The following CSRP1 variants were observed in gnomAD, a reference collection of about 807,000 sequenced individuals.
CSRP1 encodes cysteine and glycine rich protein 1.
A neutral mutation model predicts 25.4 loss-of-function variants in CSRP1; 16 were observed. That is an observed-to-expected ratio of 0.63 (90% CI 0.43 to 0.96). The LOEUF (loss-of-function observed/expected upper bound fraction) is 0.96. Ranked by LOEUF, CSRP1 falls within the 40% of genes least tolerant of loss-of-function variation. The probability of loss-of-function intolerance (pLI) is 0.00; values close to 1 mark genes in which losing one functional copy is unlikely to be tolerated. For synonymous variants in CSRP1, 97 were observed against 95.3 expected, an observed-to-expected ratio of 1.02 and a Z score of -0.10; for missense variants, 212 against 243.6, an observed-to-expected ratio of 0.87 and a Z score of 0.86.
At chr1:201,493,208 C>G in intron 2 of CSRP1, among the ~76,000 whole-genome samples, 1 of 152,176 alleles carries the variant, frequency 6.6e-6, no homozygotes, top group East Asian at 1.9e-4. Context: ...CCCTCTCAGT[C>G]CCTGGTCCCA....
intron 3 of CSRP1, chr1:201,489,297 A>G (rs531949404): frequency 9.1e-6 from 2 of 219,880 alleles, no homozygotes; most frequent in African/African-American, 2.3e-5. Context: ...GTCTATTATC[A>G]GATTCTTTAC....
At chr1:201,504,998 G>A (rs1157531762) in intron 1 of CSRP1, among the ~76,000 whole-genome samples, 1 of 152,200 alleles carries the variant, frequency 6.6e-6, no homozygotes, top group Non-Finnish European at 1.5e-5. Context: ...TACTTGGAAG[G>A]CTGAGGCAGG....
chr1:201,483,675 A>G lies in CSRP1; in HGVS notation c.*1038T>C. On this transcript the variant is annotated 3_prime_UTR_variant, in exon 6 of 6. Transcript: ENST00000340006. ...GGCCCAGCCCTTTCCCCTTCCTCCC[A>G]CCACTATTCCTAACCTGGGGCCTGG... The G allele has an allele frequency of 3.7e-6, 1 of 271,180 alleles. No individual in the cohort carries two copies. The highest frequency in any genetic ancestry group is 7.2e-6 in the Non-Finnish European group (1 of 138,624). The allele number at this position is 271,180 out of a possible 1,614,324, so 16.8% of individuals were successfully genotyped here. A position where few individuals can be genotyped will look rare whatever the true frequency, so the allele number is the denominator to read the frequency against.
intron 1 of CSRP1, among the ~76,000 whole-genome samples, chr1:201,497,254 G>A (rs926091118): frequency 2.0e-5 from 3 of 151,144 alleles, no homozygotes; most frequent in African/African-American, 7.3e-5. Flanking sequence ...AGCTACTCTG[G>A]AGGCTGAGGC....
chr1:201,501,172 G>A (rs1006209031), intron 1 of CSRP1, among the ~76,000 whole-genome samples: 3 of 152,116 alleles, frequency 2.0e-5, no homozygotes, highest in Non-Finnish European at 4.4e-5. Flanking sequence ...GTAAGTGCCC[G>A]CCCCTCTGAC....
chr1:201,497,680 TAGTC>T (rs946767732), intron 1 of CSRP1, among the ~76,000 whole-genome samples: 8 of 152,132 alleles, frequency 5.3e-5, no homozygotes, highest in Non-Finnish European at 8.8e-5. Flanking sequence ...TTGGGCAAGA[TAGTC>T]AGTCTTTCCA....
In CSRP1 at chr1:201,507,086, C is replaced by CA. The variant is rs1664848113; in HGVS notation, c.-19_-18insT. 6.6e-6 allele frequency: 1 copy of CA among 152,232 alleles called. No homozygotes were observed. Among genetic ancestry groups the CA allele is most frequent in the Non-Finnish European group, 1.5e-5 (1 of 68,066 alleles). 9.4% of individuals were successfully genotyped at this position (152,232 alleles called of 1,614,324 possible). On this transcript the variant is annotated 5_prime_UTR_variant, in exon 1 of 6. Transcript: ENST00000340006. The stretch of plus-strand genomic sequence containing the variant: ...CGCACTCACCTGGCAGCTGGCTCGG[C>CA]GGCGCAGGGGCGGCAGGCGCTCTCG...
At chr1:201,499,533 G>T (rs1664604322) in intron 1 of CSRP1, among the ~76,000 whole-genome samples, 6 of 152,186 alleles carry the variant, frequency 3.9e-5, no homozygotes, top group Admixed American at 3.3e-4. Context: ...GTGACTCAAT[G>T]TGACCCTTGG....
intron 4 of CSRP1, chr1:201,486,687 A>G (rs3767542): frequency 0.2 from 202,550 of 1,033,684 alleles, 20,880 homozygotes; most frequent in East Asian, 0.45. Flanking sequence ...CTCCCTGCCA[A>G]AATAAGCTGA....
chr1:201,502,805 CCCAGTG>C (rs1331773158), intron 1 of CSRP1, among the ~76,000 whole-genome samples: 2 of 152,096 alleles, frequency 1.3e-5, no homozygotes, highest in Non-Finnish European at 2.9e-5. Flanking sequence ...CCCACTTGCC[CCCAGTG>C]CCTTCTAGAG....
chr1:201,490,000 T>C (rs767605161), intron 3 of CSRP1, 176 bp downstream of exon 3: 61 of 599,822 alleles, frequency 1.0e-4, no homozygotes, highest in Non-Finnish European at 1.6e-4. Flanking sequence ...CCCTGCTGCA[T>C]CCCCAGCTCC....
chr1:201,491,609 G>C (rs1387731883), intron 2 of CSRP1: 1 of 152,194 alleles, frequency 6.6e-6, no homozygotes, highest in Non-Finnish European at 1.5e-5. Context: ...GGAAGTGGGA[G>C]GGACAGGCCC....
intron 4 of CSRP1, chr1:201,487,161 C>T: frequency 2.5e-6 from 1 of 404,714 alleles, no homozygotes; most frequent in East Asian, 9.5e-5. Context: ...CCTGTAATCC[C>T]AGCACTTTTG....
intron 2 of CSRP1, among the ~76,000 whole-genome samples, chr1:201,495,126 T>C (rs1218064432): frequency 1.3e-5 from 2 of 152,244 alleles, no homozygotes; most frequent in African/African-American, 2.4e-5. Flanking sequence ...GCGGGCACAG[T>C]GGCTCACACC....
In CSRP1 at chr1:201,490,695, G is replaced by A. The variant is rs150427241; in HGVS notation, c.113-351C>T. The A allele has an allele frequency of 2.1e-3, 410 of 192,488 alleles. 4 individuals carry two copies. Among genetic ancestry groups the A allele is most frequent in the African/African-American group, 9.1e-3 (397 of 43,592 alleles). The allele number at this position is 192,488 out of a possible 1,614,324, so 11.9% of individuals were successfully genotyped here. ...GACCCCAAGCCACAGGACGCCTGTT[G>A]AGGTTCCTCACTCTGCCCTCAACAG... is the stretch of plus-strand genomic sequence containing the variant. On this transcript the variant is annotated intron_variant, in intron 2 of 5. Coordinates refer to ENST00000340006, the MANE Select transcript of CSRP1 (RefSeq NM_004078.3).
chr1:201,505,510 CTT>C (rs5780074), intron 1 of CSRP1, among the ~76,000 whole-genome samples: 89,603 of 130,746 alleles, frequency 0.69, 28,203 homozygotes, highest in Non-Finnish European at 0.75. Flanking sequence ...TCTCCTGCTT[CTT>C]CTTCCCCATA....
intron 3 of CSRP1, 38 bp downstream of exon 3, chr1:201,490,138 A>G (rs1470560681): frequency 1.9e-6 from 3 of 1,590,932 alleles, no homozygotes; most frequent in Middle Eastern, 1.7e-4. Flanking sequence ...TGGGGGAGAG[A>G]GCTCAAGAAA....
At chr1:201,498,912 C>T (rs1290735053) in intron 1 of CSRP1, among the ~76,000 whole-genome samples, 3 of 152,140 alleles carry the variant, frequency 2.0e-5, no homozygotes, top group Non-Finnish European at 4.4e-5. Flanking sequence ...GTAGACCATG[C>T]CTGCTGCATA....
intron 1 of CSRP1, among the ~76,000 whole-genome samples, chr1:201,503,355 A>G (rs1485305653): frequency 1.3e-5 from 2 of 152,116 alleles, no homozygotes; most frequent in Non-Finnish European, 2.9e-5. Flanking sequence ...TCTTTGATTA[A>G]TTTTTTACAA....
Sources: gnomAD v4.1 joint callset for allele counts (sites outside exome capture counted in the v4.1 genomes callset) on GRCh38, gnomAD v4.1.1 for gene constraint, MANE v1.5 for transcripts, NCBI Gene and HGNC (gene_info 2026-07-23, HGNC 2026-07-21) for gene names.